The following ATP10B variants were observed in gnomAD, a reference collection of about 807,000 sequenced individuals.
The protein encoded by ATP10B is ATPase phospholipid transporting 10B (putative).
ATP10B carries 122 observed loss-of-function variants against 141.2 expected under a neutral mutation model. The ratio of observed to expected loss-of-function variants is 0.86; its 90% CI spans 0.75 to 1.00. The LOEUF (loss-of-function observed/expected upper bound fraction) is 1.00, where lower values mean the gene tolerates loss of function less well. ATP10B is among the 50% of genes least tolerant of loss of function. The pLI, the probability that ATP10B is intolerant of heterozygous loss-of-function variation, is 0.00. For missense variants in ATP10B, 1,876 were observed against 1,825.3 expected, an observed-to-expected ratio of 1.03 and a Z score of -0.51; for synonymous variants, 685 against 692.0, an observed-to-expected ratio of 0.99 and a Z score of 0.16.
rs182510970 is a variant in ATP10B at position 160,716,765 on chromosome 5, G to A, written c.-205+144C>T. On this transcript the variant is annotated intron_variant, in intron 3 of 25. Transcript: ENST00000327245. ...AGGCACCAAGGTCCTGCGGGACCCC[G>A]TTTTTTCTGTTCCATCATCCTTAGC... 3.0e-5 allele frequency: 15 copies of A among 505,394 alleles called. No homozygotes were observed. The East Asian group carries it at 1.5e-3, about 50-fold the overall frequency. 31.3% of individuals were successfully genotyped at this position (505,394 alleles called of 1,614,324 possible).
At chr5:160,591,214 T>G (rs888676494) in intron 22 of ATP10B, 75 bp from the exon 23 acceptor site, 1 of 1,260,962 alleles carries the variant, frequency 7.9e-7, no homozygotes. Flanking sequence ...CTTTCTTGCA[T>G]GTGGCTGCGA....
intron 18 of ATP10B, among the ~76,000 whole-genome samples, chr5:160,609,590 G>T (rs1014111880): frequency 6.6e-6 from 1 of 152,122 alleles, no homozygotes; most frequent in Non-Finnish European, 1.5e-5. Context: ...TTTTGGCCAG[G>T]CTGGTCTTGA....
the ATP10B span, among the ~76,000 whole-genome samples, chr5:160,921,881 T>A: frequency 6.6e-6 from 1 of 152,290 alleles, no homozygotes; most frequent in African/African-American, 2.4e-5. Context: ...GCAGGCAGCC[T>A]TTTCTAAGTG....
chr5:160,839,459 T>C (rs922742294), intron 1 of ATP10B, among the ~76,000 whole-genome samples: 9 of 151,776 alleles, frequency 5.9e-5, no homozygotes, highest in African/African-American at 2.2e-4. Context: ...AAAGCTTAAG[T>C]GAGACCAAAA....
chr5:160,816,991 A>T (rs984944735), intron 1 of ATP10B, among the ~76,000 whole-genome samples: 16 of 152,172 alleles, frequency 1.1e-4, no homozygotes, highest in Non-Finnish European at 5.9e-5. Flanking sequence ...TAGGTATTGA[A>T]GGGACGTATA....
At chr5:160,785,196 T>A (rs76285129) in intron 2 of ATP10B, among the ~76,000 whole-genome samples, 4,146 of 152,244 alleles carry the variant, frequency 0.027, 75 homozygotes, top group Non-Finnish European at 0.033. Context: ...TTGGGACTTC[T>A]TATGAGGGCC....
chr5:160,791,292 T>C (rs1039674167), intron 1 of ATP10B, among the ~76,000 whole-genome samples: 2 of 152,132 alleles, frequency 1.3e-5, no homozygotes, highest in African/African-American at 2.4e-5. Flanking sequence ...TTTTTGGTAA[T>C]ATGTTAGGGC....
intron 2 of ATP10B, among the ~76,000 whole-genome samples, chr5:160,769,504 C>A (rs1198221462): frequency 6.6e-6 from 1 of 152,198 alleles, no homozygotes; most frequent in Admixed American, 6.5e-5. Flanking sequence ...TGCAGGTGTG[C>A]AAATAAGCAC....
chr5:160,820,514 G>T (rs1440447309), intron 1 of ATP10B, among the ~76,000 whole-genome samples: 2 of 152,020 alleles, frequency 1.3e-5, no homozygotes, highest in Non-Finnish European at 2.9e-5. Context: ...AAATAGAGGA[G>T]GAAGAAATAC....
intron 2 of ATP10B, among the ~76,000 whole-genome samples, chr5:160,722,452 A>G (rs1017706178): frequency 1.3e-5 from 2 of 152,200 alleles, no homozygotes; most frequent in Non-Finnish European, 2.9e-5. Flanking sequence ...CAGATCATCC[A>G]TTCCCTTATG....
At chr5:160,616,451 G>C (rs1758003430) in intron 16 of ATP10B, among the ~76,000 whole-genome samples, 1 of 152,204 alleles carries the variant, frequency 6.6e-6, no homozygotes, top group Non-Finnish European at 1.5e-5. Context: ...AGTTAAGGCT[G>C]TGGAACGGCA....
At chr5:160,609,720 A>T (rs1395954591) in intron 18 of ATP10B, among the ~76,000 whole-genome samples, 1 of 152,184 alleles carries the variant, frequency 6.6e-6, no homozygotes, top group African/African-American at 2.4e-5. Context: ...ATAGTTTATT[A>T]TTCCTGTGTC....
intron 1 of ATP10B, among the ~76,000 whole-genome samples, chr5:160,812,051 A>C (rs1581578546): frequency 6.7e-6 from 1 of 149,308 alleles, no homozygotes; most frequent in African/African-American, 2.5e-5. Flanking sequence ...AGAGAGAGAG[A>C]GAGAGAGAGG....
intron 2 of ATP10B, among the ~76,000 whole-genome samples, chr5:160,746,744 T>C (rs1423096074): frequency 6.6e-6 from 1 of 152,188 alleles, no homozygotes; most frequent in Non-Finnish European, 1.5e-5. Flanking sequence ...TGTAAGCATA[T>C]TAGTGTGGGC....
intron 24 of ATP10B, among the ~76,000 whole-genome samples, chr5:160,579,241 C>T (rs1483560069): frequency 4.6e-5 from 7 of 152,104 alleles, no homozygotes; most frequent in Non-Finnish European, 7.3e-5. Context: ...GAAGTCTTTG[C>T]CCATGCCTAT....
intron 3 of ATP10B, among the ~76,000 whole-genome samples, chr5:160,696,476 T>C (rs1228863316): frequency 1.3e-5 from 2 of 152,238 alleles, no homozygotes; most frequent in African/African-American, 2.4e-5. Flanking sequence ...TTTGACAGTA[T>C]TGATATGTTT....
At chr5:160,663,627 T>C (rs997117945) in intron 7 of ATP10B, among the ~76,000 whole-genome samples, 83 of 151,448 alleles carry the variant, frequency 5.5e-4, no homozygotes, top group African/African-American at 1.8e-3. Flanking sequence ...CATCACACAC[T>C]GGGGCCTGTT....
chr5:160,721,845 A>G (rs1766019556), intron 2 of ATP10B, among the ~76,000 whole-genome samples: 1 of 152,204 alleles, frequency 6.6e-6, no homozygotes, highest in Admixed American at 6.5e-5. Flanking sequence ...TAATAAGACA[A>G]AATTAAGAAA....
At chr5:160,896,404 T>C in the ATP10B span, among the ~76,000 whole-genome samples, 1 of 152,120 alleles carries the variant, frequency 6.6e-6, no homozygotes, top group African/African-American at 2.4e-5. Context: ...CATCAGAGAA[T>C]ACTATAAACA....
Sources: gnomAD v4.1 joint callset for allele counts (sites outside exome capture counted in the v4.1 genomes callset) on GRCh38, gnomAD v4.1.1 for gene constraint, MANE v1.5 for transcripts, NCBI Gene and HGNC (gene_info 2026-07-23, HGNC 2026-07-21) for gene names.